Variants in HGSNAT observed in about 807,000 individuals in gnomAD.
HGSNAT encodes heparan-alpha-glucosaminide N-acetyltransferase, also known as transmembrane protein 76.
A neutral mutation model predicts 85.2 loss-of-function variants in HGSNAT; 59 were observed. The ratio of observed to expected loss-of-function variants is 0.69; its 90% confidence interval spans 0.56 to 0.86. The LOEUF is 0.86. HGSNAT is among the 40% of genes least tolerant of loss of function. The pLI is 0.00. For missense variants in HGSNAT, 756 were observed against 777.1 expected (o/e 0.97, Z 0.32); for synonymous variants, 321 against 304.5 (o/e 1.05, Z -0.56).
rs78576622 is a variant in HGSNAT at position 43,162,200 on chromosome 8, A to G, written c.563+693A>G. ...TCTTGTTAGGGTCTCAAGAAGAACC[A>G]CAAGGTTTTATTGATGAGCAATATC... On this transcript the variant is annotated intron_variant, in intron 5 of 17. Transcript: ENST00000379644. Among the ~76,000 whole-genome samples, 3 of 152,372 alleles carry G rather than the reference A, an allele frequency of 2.0e-5. No homozygotes were observed. The East Asian group carries it at 5.8e-4, about 29-fold the overall frequency.
intron 1 of HGSNAT, among the ~76,000 whole-genome samples, chr8:43,146,723 C>T (rs1399464078): frequency 6.6e-6 from 1 of 151,938 alleles, no homozygotes; most frequent in Non-Finnish European, 1.5e-5. Flanking sequence ...AAAAGGAGAC[C>T]TGTGTGTGTG....
intron 12 of HGSNAT, 97 bp from the exon 13 acceptor site, chr8:43,192,207 C>T (rs544300833): frequency 3.7e-5 from 51 of 1,369,608 alleles, no homozygotes; most frequent in South Asian, 7.0e-5. Context: ...GGATTACAGG[C>T]GTGAGCCACC....
chr8:43,196,601 TGTG>T lies in HGSNAT; in HGVS notation c.1465-343_1465-341del, dbSNP rs1280876353. The T allele has an allele frequency of 8.4e-6, 9 of 1,077,798 alleles. No homozygotes were observed. In the East Asian group the frequency reaches 4.3e-4, roughly 51 times the overall value. 66.8% of individuals were successfully genotyped at this position (1,077,798 alleles called of 1,614,324 possible). ...TCTGCATTCCCTGCAGCAGTGGAGA[TGTG>T]GTGTGGCTACCATGCTTCCCCCGAG... On this transcript the variant is annotated intron_variant, in intron 14 of 17. Transcript: ENST00000379644.
In HGSNAT at chr8:43,202,702, CT is replaced by C. The variant is rs1804954558; in HGVS notation, c.*3137del. 2 of 152,154 alleles carry C rather than the reference CT, an allele frequency of 1.3e-5. No homozygotes were observed. The highest frequency in any genetic ancestry group is 3.8e-4 in the East Asian group (2 of 5,204). 9.4% of individuals were successfully genotyped at this position (152,154 alleles called of 1,614,324 possible). ...CTTTTCCATGGCCAACAAGGGGCAT[CT>C]TTTATAAATGCATAATAACCCAGTT... On this transcript the variant is annotated 3_prime_UTR_variant, in exon 18 of 18. Transcript: ENST00000379644.
rs1447139472 is a variant in HGSNAT, at chr8:43,192,305, G to T, written c.1252G>T (p.Gly418Cys). 1 of 1,605,658 alleles carries T rather than the reference G, an allele frequency of 6.2e-7. No homozygotes were observed. Among genetic ancestry groups the T allele is most frequent in the Non-Finnish European group, 8.5e-7 (1 of 1,176,462 alleles). Residue 418 changes from glycine to cysteine, a missense_variant and splice_region_variant, in exon 13 of 18, where the codon GGT becomes TGT. Gly to Cys is a radical substitution (Grantham distance 159). Transcript: ENST00000379644. ...TACATATGCTTTTCACCTTCCTAGT[G>T]GTTATCTTGGTCCTGGGGGCATTGG... ...FLLPVPGCPTGYLGPGGIGDF... is the reference protein window; with the variant it reads ...FLLPVPGCPTCYLGPGGIGDF...
intron 8 of HGSNAT, among the ~76,000 whole-genome samples, chr8:43,172,952 C>T (rs549143675): frequency 4.6e-4 from 70 of 152,318 alleles, no homozygotes; most frequent in Non-Finnish European, 7.9e-4. Context: ...AGGTCCAGTG[C>T]TTGGTTGCAG....
chr8:43,169,262 G>C lies in HGSNAT; in HGVS notation c.633+20G>C, dbSNP rs144188129. On this transcript the variant is annotated intron_variant, in intron 6 of 17. Transcript: ENST00000379644. ...AATTCTGTAAGTTATGAGATGCATA[G>C]TGTATTGCCCAGGTGGTTTTCTAAA... 3.9e-4 allele frequency: 586 copies of C among 1,484,782 alleles called. 10 individuals carry two copies. In the East Asian group the frequency reaches 0.013, roughly 34 times the overall value. The allele number at this position is 1,484,782 out of a possible 1,614,324, so 92.0% of individuals were successfully genotyped here.
At position 43,173,762 on chromosome 8, in the gene HGSNAT, CTCT is replaced by C. The variant is rs1563369655; in HGVS notation, c.851+23_851+25del. On this transcript the variant is annotated intron_variant, in intron 9 of 17. Transcript: ENST00000379644. Reference sequence around the variant, plus strand: ...TCCCGTGGTGAGTTGCCGGTCTGCCCTCTTCTCTTCCACGGGTTGACTCCAATC... The same window carrying C: ...TCCCGTGGTGAGTTGCCGGTCTGCCCTCTCTTCCACGGGTTGACTCCAATC... 6.2e-7 allele frequency: 1 copy of C among 1,609,322 alleles called. No individual in the cohort carries two copies. The highest frequency in any genetic ancestry group is 1.7e-5 in the Admixed American group (1 of 59,278).
chr8:43,173,770 T>C (rs370161172), intron 9 of HGSNAT, 27 bp downstream of exon 9: 5 of 1,605,814 alleles, frequency 3.1e-6, no homozygotes, highest in African/African-American at 1.3e-5. Flanking sequence ...CCCTCTTCTC[T>C]TCCACGGGTT....
At chr8:43,155,269 A>T (rs1444249658) in intron 2 of HGSNAT, among the ~76,000 whole-genome samples, 1 of 152,116 alleles carries the variant, frequency 6.6e-6, no homozygotes, top group Non-Finnish European at 1.5e-5. Context: ...ATAGTAGCCA[A>T]TCTAAATAAC....
At chr8:43,141,005 C>G (rs1802509193) in intron 1 of HGSNAT, among the ~76,000 whole-genome samples, 1 of 152,332 alleles carries the variant, frequency 6.6e-6, no homozygotes, top group African/African-American at 2.4e-5. Flanking sequence ...TCGGACTCCC[C>G]CTGCACCCAG....
chr8:43,182,699 G>T (rs936745722), intron 11 of HGSNAT, among the ~76,000 whole-genome samples: 1 of 151,972 alleles, frequency 6.6e-6, no homozygotes, highest in African/African-American at 2.4e-5. Flanking sequence ...TCCTGCCTCG[G>T]CCTCACAAAT....
intron 2 of HGSNAT, among the ~76,000 whole-genome samples, chr8:43,148,788 C>T (rs1348268221): frequency 6.9e-6 from 1 of 145,706 alleles, no homozygotes; most frequent in Non-Finnish European, 1.5e-5. Flanking sequence ...AGCGAAACTC[C>T]GTCTCAAGAA....
intron 5 of HGSNAT, among the ~76,000 whole-genome samples, chr8:43,163,043 A>C (rs1165514581): frequency 6.6e-6 from 1 of 152,072 alleles, no homozygotes; most frequent in Admixed American, 6.5e-5. Flanking sequence ...AAAGTAGCTA[A>C]GTGTGATGGT....
intron 11 of HGSNAT, among the ~76,000 whole-genome samples, chr8:43,183,774 A>T (rs1382634260): frequency 2.0e-5 from 3 of 151,984 alleles, no homozygotes; most frequent in Non-Finnish European, 2.9e-5. Context: ...CCCTAATGCT[A>T]TACCTCCCCT....
Position 43,196,134 on chromosome 8 carries a change from C to T in HGSNAT, c.1465-814C>T, listed in dbSNP as rs115445023. The T allele has an allele frequency of 7.1e-3, 2,072 of 291,694 alleles. 43 individuals are homozygous for T. The highest frequency in any genetic ancestry group is 0.038 in the African/African-American group (1,723 of 44,836). The allele number at this position is 291,694 out of a possible 1,614,324, so 18.1% of individuals were successfully genotyped here. On this transcript the variant is annotated intron_variant, in intron 14 of 17. Transcript: ENST00000379644. ...CTGCCACTTCCCAGCTGGGTGACCT[C>T]GGGCGTGTGGCTGACTCCCTCTTGT...
intron 2 of HGSNAT, among the ~76,000 whole-genome samples, chr8:43,149,044 A>T (rs1282397684): frequency 2.0e-5 from 3 of 151,974 alleles, no homozygotes; most frequent in Non-Finnish European, 4.4e-5. Flanking sequence ...TAACCCCGGG[A>T]GGCAGAGGTG....
intron 4 of HGSNAT, 126 bp from the exon 5 acceptor site, chr8:43,161,312 A>G (rs769250559): frequency 2.9e-5 from 20 of 680,974 alleles, no homozygotes; most frequent in Admixed American, 5.5e-5. Flanking sequence ...GAGCATAGGA[A>G]ATTCAGCATG....
chr8:43,193,725 G>A, intron 13 of HGSNAT, 32 bp from the exon 14 acceptor site: 1 of 1,451,838 alleles, frequency 6.9e-7, no homozygotes, highest in Non-Finnish European at 9.7e-7. Flanking sequence ...AGATCAGTGA[G>A]TGAGTGCTGC....
Sources: allele counts gnomAD v4.1 joint callset (sites outside exome capture counted in the v4.1 genomes callset), GRCh38; gene constraint gnomAD v4.1.1; transcripts MANE v1.5; gene names NCBI Gene and HGNC (gene_info 2026-07-23, HGNC 2026-07-21).